Variants in ORMDL1 observed in about 807,000 individuals in gnomAD.
ORMDL1 encodes ORM1-like protein 1.
In ORMDL1, 10 loss-of-function variants were observed where a neutral mutation model predicts 13.0. The observed-to-expected ratio is 0.77, with a 90% confidence interval of 0.47 to 1.30. ORMDL1 has a LOEUF of 1.30. Ranked by LOEUF, ORMDL1 falls within the 50% of genes most tolerant of loss-of-function variation. The pLI is 0.00. For missense variants in ORMDL1, 171 were observed against 186.7 expected (o/e 0.92, Z 0.49); for synonymous variants, 61 against 63.9 (o/e 0.95, Z 0.22).
chr2:189,770,448 T>A lies in ORMDL1; in HGVS notation c.*1319A>T, dbSNP rs1008713635. ...ATTTCTAAACTCAATACTTTTGAGA[T>A]ACAAAACAATGATCATTACCCCCAA... On this transcript the variant is annotated 3_prime_UTR_variant, in exon 5 of 5. Coordinates refer to ENST00000392349, the MANE Select transcript of ORMDL1 (RefSeq NM_016467.5). 41 of 152,292 alleles carry A rather than the reference T, an allele frequency of 2.7e-4. No homozygotes were observed. Among genetic ancestry groups the A allele is most frequent in the African/African-American group, 9.9e-4 (41 of 41,570 alleles). The allele number at this position is 152,292 out of a possible 1,614,324, so 9.4% of individuals were successfully genotyped here.
intron 3 of ORMDL1, among the ~76,000 whole-genome samples, chr2:189,776,086 G>A (rs2047689025): frequency 6.6e-6 from 1 of 152,002 alleles, no homozygotes; most frequent in Non-Finnish European, 1.5e-5. Flanking sequence ...TTTCTTCAGG[G>A]TATATTAGTA....
rs1291406809 is a variant in ORMDL1 at position 189,782,342 on chromosome 2, T to A, written c.174+80A>T. 3.0e-6 allele frequency: 4 copies of A among 1,312,884 alleles called. No individual in the cohort carries two copies. In the African/African-American group the frequency reaches 5.9e-5, roughly 19 times the overall value. 81.3% of individuals were successfully genotyped at this position (1,312,884 alleles called of 1,614,324 possible). ...CTCTGTACCCATTAAGCAATAACTT[T>A]CCATTCCTTCCTCCCCTTAATTTCC... is the stretch of plus-strand genomic sequence containing the variant. On this transcript the variant is annotated intron_variant, in intron 3 of 4. Transcript: ENST00000392349.
At chr2:189,776,991 G>T (rs989509818) in intron 3 of ORMDL1, among the ~76,000 whole-genome samples, 2 of 152,098 alleles carry the variant, frequency 1.3e-5, no homozygotes, top group Non-Finnish European at 2.9e-5. Flanking sequence ...GGAGGGAAAG[G>T]TTCCTTGTTG....
chr2:189,764,681 A>T, the ORMDL1 span, among the ~76,000 whole-genome samples: 1 of 152,196 alleles, frequency 6.6e-6, no homozygotes, highest in African/African-American at 2.4e-5. Flanking sequence ...ATTCTCAAAA[A>T]ATATGGCCTA....
chr2:189,770,822 AAAAG>A lies in ORMDL1; in HGVS notation c.*941_*944del, dbSNP rs2047562296. On this transcript the variant is annotated 3_prime_UTR_variant, in exon 5 of 5. Transcript: ENST00000392349. ...ATCTTTTACTGCAGACCTGCCAAAA[AAAAG>A]ACTCCATTACTTACTTTGGTACTAT... The A allele has an allele frequency of 6.6e-6, 1 of 152,174 alleles. No homozygotes were observed. The highest frequency in any genetic ancestry group is 1.5e-5 in the Non-Finnish European group (1 of 68,020). 9.4% of individuals were successfully genotyped at this position (152,174 alleles called of 1,614,324 possible).
At chr2:189,772,265 T>C (rs1055808438) in intron 4 of ORMDL1, among the ~76,000 whole-genome samples, 3 of 151,016 alleles carry the variant, frequency 2.0e-5, no homozygotes, top group African/African-American at 7.4e-5. Flanking sequence ...TTCAAAGCAT[T>C]CATCTTATTC....
In ORMDL1 at chr2:189,775,557, C is replaced by T; in HGVS notation, c.326+8G>A. ...TCCTCCTCATACCTAAAAATTTCTG[C>T]CACTTACAGAATTATTGGAGAAATT... On this transcript the variant is annotated splice_region_variant and intron_variant, in intron 4 of 4. Transcript: ENST00000392349. 1 of 1,589,386 alleles carries T rather than the reference C, an allele frequency of 6.3e-7. No individual in the cohort carries two copies. Among genetic ancestry groups the T allele is most frequent in the African/African-American group, 1.4e-5 (1 of 73,628 alleles).
At chr2:189,772,760 T>C (rs1358337441) in intron 4 of ORMDL1, among the ~76,000 whole-genome samples, 2 of 152,236 alleles carry the variant, frequency 1.3e-5, no homozygotes, top group East Asian at 3.8e-4. Flanking sequence ...GAAAGTATTC[T>C]AATAGCCTTT....
In ORMDL1 at chr2:189,772,087, T is replaced by A. The variant is rs564079276; in HGVS notation, c.327-185A>T. Among the ~76,000 whole-genome samples the A allele has an allele frequency of 2.0e-5, 3 of 152,314 alleles. No homozygotes were observed. In the South Asian group the frequency reaches 6.2e-4, roughly 32 times the overall value. ...GTTTATCTCATTAGGAACTAAAAAA[T>A]TTGTTTAATGGAGGTCCACATTTTC... On this transcript the variant is annotated intron_variant, in intron 4 of 4. Transcript: ENST00000392349.
At chr2:189,770,116 G>A (rs1574959920), downstream of ORMDL1, among the ~76,000 whole-genome samples, 2 of 152,160 alleles carry the variant, frequency 1.3e-5, no homozygotes, top group African/African-American at 2.4e-5. Context: ...AAACATTGAC[G>A]GGAGAAAGCA....
At chr2:189,778,090 G>A (rs892962728) in intron 3 of ORMDL1, 4 of 436,808 alleles carry the variant, frequency 9.2e-6, no homozygotes, top group Non-Finnish European at 1.8e-5. Context: ...TTGAAACACG[G>A]TTAGGGGGTG....
At chr2:189,783,238 T>G (rs1201476592) in intron 1 of ORMDL1, 115 bp from the exon 2 acceptor site, 1 of 152,232 alleles carries the variant, frequency 6.6e-6, no homozygotes, top group Non-Finnish European at 1.5e-5. Context: ...TCTAGTCAAA[T>G]CAAAAACTTC....
chr2:189,774,753 G>A (rs903750305), intron 4 of ORMDL1: 2 of 152,284 alleles, frequency 1.3e-5, no homozygotes, highest in South Asian at 2.1e-4. Context: ...GGGAAAAAAG[G>A]AGGAGGCATT....
rs2047759010 is a variant in ORMDL1, at chr2:189,778,884, G to C, written c.175-3168C>G. Reference sequence around the variant, plus strand: ...CACTCCAGCCTGGATGACACAGAGAGACTCCATCTCAAAAAAAATAAAAGT... The same window carrying C: ...CACTCCAGCCTGGATGACACAGAGACACTCCATCTCAAAAAAAATAAAAGT... On this transcript the variant is annotated intron_variant, in intron 3 of 4. Transcript: ENST00000392349. Among the ~76,000 whole-genome samples, 7 of 152,032 alleles carry C rather than the reference G, an allele frequency of 4.6e-5. No individual in the cohort carries two copies. The South Asian group carries it at 1.4e-3, about 31-fold the overall frequency.
At chr2:189,778,454 TTAAAACATAAAGAGA>T in intron 3 of ORMDL1, 1 of 455,726 alleles carries the variant, frequency 2.2e-6, no homozygotes, top group South Asian at 1.5e-5. Context: ...GATACAAAAA[TTAAAACATAAAGAGA>T]TAAACTGCTA....
chr2:189,773,722 C>A (rs866490389), intron 4 of ORMDL1, among the ~76,000 whole-genome samples: 117 of 64,302 alleles, frequency 1.8e-3, no homozygotes, highest in South Asian at 4.7e-3. Flanking sequence ...ACTCTTGTCT[C>A]AAAAAAAAAA....
intron 4 of ORMDL1, 139 bp downstream of exon 4, chr2:189,775,426 A>G (rs957084932): frequency 1.6e-5 from 15 of 910,492 alleles, no homozygotes; most frequent in Non-Finnish European, 2.4e-5. Flanking sequence ...AATTTTGTCT[A>G]TATTTTATGT....
At chr2:189,770,068 A>T (rs950336857), downstream of ORMDL1, among the ~76,000 whole-genome samples, 19 of 152,176 alleles carry the variant, frequency 1.2e-4, no homozygotes, top group African/African-American at 4.6e-4. Flanking sequence ...CCTGTTACAG[A>T]GTGGGCCCTT....
chr2:189,766,690 C>T (rs2047487985), downstream of ORMDL1, among the ~76,000 whole-genome samples: 1 of 151,484 alleles, frequency 6.6e-6, no homozygotes, highest in African/African-American at 2.4e-5. Context: ...CACCACTGCA[C>T]TCCAGCCTAG....
Sources: allele counts gnomAD v4.1 joint callset (sites outside exome capture counted in the v4.1 genomes callset), GRCh38; gene constraint gnomAD v4.1.1; transcripts MANE v1.5; gene names NCBI Gene and HGNC (gene_info 2026-07-23, HGNC 2026-07-21).